The following CCSER1 variants were observed in gnomAD, a reference collection of about 807,000 sequenced individuals.
The protein encoded by CCSER1 is serine-rich coiled-coil domain-containing protein 1.
In CCSER1, 41 loss-of-function variants were observed where a neutral mutation model predicts 82.0. The ratio of observed to expected loss-of-function variants is 0.50; its 90% confidence interval spans 0.39 to 0.65. The LOEUF (loss-of-function observed/expected upper bound fraction) is 0.65. Among genes scored for constraint, CCSER1 ranks in the 30% least tolerant of loss-of-function variants. The pLI, the probability that CCSER1 is intolerant of heterozygous loss-of-function variation, is 0.00. For synonymous variants in CCSER1, 414 were observed against 383.9 expected, an observed-to-expected ratio of 1.08 and a Z score of -0.92; for missense variants, 1,119 against 1,064.2, an observed-to-expected ratio of 1.05 and a Z score of -0.72.
chr4:90,817,794 A>G (rs1330389860), intron 8 of CCSER1, among the ~76,000 whole-genome samples: 2 of 152,320 alleles, frequency 1.3e-5, no homozygotes, highest in Non-Finnish European at 2.9e-5. Context: ...AGAAATGCCA[A>G]TCATGTAGGC....
intron 10 of CCSER1, among the ~76,000 whole-genome samples, chr4:91,245,822 G>T (rs996418460): frequency 6.6e-6 from 1 of 152,042 alleles, no homozygotes; most frequent in Non-Finnish European, 1.5e-5. Context: ...TCAGCCTCCT[G>T]AGTAGCTGGG....
At chr4:90,475,196 T>C (rs1764894319) in intron 5 of CCSER1, among the ~76,000 whole-genome samples, 3 of 152,238 alleles carry the variant, frequency 2.0e-5, no homozygotes, top group Non-Finnish European at 4.4e-5. Flanking sequence ...ACAATTTTCC[T>C]TCATTTACCC....
At chr4:90,239,802 T>C (rs1746504588) in intron 1 of CCSER1, among the ~76,000 whole-genome samples, 1 of 152,178 alleles carries the variant, frequency 6.6e-6, no homozygotes, top group East Asian at 1.9e-4. Context: ...TTGTTCTTAG[T>C]TGTAGCTTGT....
chr4:90,454,707 G>T (rs888924152), intron 4 of CCSER1, among the ~76,000 whole-genome samples: 4 of 152,004 alleles, frequency 2.6e-5, no homozygotes, highest in Non-Finnish European at 4.4e-5. Flanking sequence ...TTTCTGGGTG[G>T]CCTGCTTTTC....
chr4:90,500,957 ATTGT>A (rs1020413445), intron 5 of CCSER1, among the ~76,000 whole-genome samples: 8 of 152,016 alleles, frequency 5.3e-5, no homozygotes, highest in African/African-American at 1.7e-4. Context: ...AAAAAATAAG[ATTGT>A]TTCTGAAGGA....
intron 10 of CCSER1, among the ~76,000 whole-genome samples, chr4:91,584,873 A>G (rs1763910605): frequency 6.6e-6 from 1 of 151,490 alleles, no homozygotes; most frequent in South Asian, 2.1e-4. Context: ...AACTTTAATT[A>G]TAACCACTGT....
intron 10 of CCSER1, among the ~76,000 whole-genome samples, chr4:91,436,426 T>G (rs550711854): frequency 6.6e-6 from 1 of 152,320 alleles, no homozygotes; most frequent in South Asian, 2.1e-4. Context: ...AGTAAATTTT[T>G]CTCCAAAAAT....
rs184130089 is a variant in CCSER1 at position 91,230,227 on chromosome 4, A to C, written c.2217+144233A>C. 4.8e-3 allele frequency among the ~76,000 whole-genome samples: 729 copies of C among 152,288 alleles called. 4 individuals are homozygous for C. Among genetic ancestry groups the C allele is most frequent in the African/African-American group, 0.016 (680 of 41,572 alleles). On this transcript the variant is annotated intron_variant, in intron 10 of 10. Transcript: ENST00000509176. Reference sequence around the variant, plus strand: ...ACAAAAGTTGAATCCATTTAACTGTAGAGTAAGGATTACAACAATTATGTA... The same window carrying C: ...ACAAAAGTTGAATCCATTTAACTGTCGAGTAAGGATTACAACAATTATGTA...
At chr4:90,294,826 C>A (rs777077606) in intron 1 of CCSER1, among the ~76,000 whole-genome samples, 37 of 151,844 alleles carry the variant, frequency 2.4e-4, no homozygotes, top group African/African-American at 2.4e-5. Flanking sequence ...ACTGTTAATG[C>A]TTTGAAGTAC....
At chr4:91,362,815 T>G (rs1749340373) in intron 10 of CCSER1, among the ~76,000 whole-genome samples, 1 of 151,804 alleles carries the variant, frequency 6.6e-6, no homozygotes, top group Admixed American at 6.6e-5. Context: ...TAAAAGCTCA[T>G]CCTGTTTCTC....
chr4:90,479,217 G>A (rs1385103117), intron 5 of CCSER1, among the ~76,000 whole-genome samples: 1 of 151,334 alleles, frequency 6.6e-6, no homozygotes, highest in African/African-American at 2.4e-5. Flanking sequence ...ATAATATAAA[G>A]GAAGAATATA....
chr4:91,167,185 CT>C (rs55920118), intron 10 of CCSER1, among the ~76,000 whole-genome samples: 7,095 of 121,304 alleles, frequency 0.058, 217 homozygotes, highest in African/African-American at 0.13. Flanking sequence ...AATTGCAATA[CT>C]TTTTTTTTTT....
At chr4:90,969,346 A>C (rs1734868098) in intron 9 of CCSER1, among the ~76,000 whole-genome samples, 1 of 152,010 alleles carries the variant, frequency 6.6e-6, no homozygotes, top group South Asian at 2.1e-4. Context: ...ATATACCAAG[A>C]CACACGATAA....
At chr4:90,157,329 G>A (rs1309386634) in intron 1 of CCSER1, among the ~76,000 whole-genome samples, 8 of 152,138 alleles carry the variant, frequency 5.3e-5, no homozygotes, top group East Asian at 1.9e-4. Context: ...TTTCAACTTT[G>A]GTGAATCTGA....
intron 3 of CCSER1, among the ~76,000 whole-genome samples, chr4:90,385,675 A>G (rs1231367620): frequency 6.6e-6 from 1 of 151,582 alleles, no homozygotes. Flanking sequence ...GTTAGCCAGG[A>G]TGGTCTTGAT....
intron 10 of CCSER1, among the ~76,000 whole-genome samples, chr4:91,436,138 T>A (rs1310499215): frequency 6.6e-6 from 1 of 152,242 alleles, no homozygotes; most frequent in Non-Finnish European, 1.5e-5. Flanking sequence ...TTACTTTCGA[T>A]GTCAAGAACC....
intron 10 of CCSER1, among the ~76,000 whole-genome samples, chr4:91,116,668 T>C (rs1052867211): frequency 6.6e-6 from 1 of 152,206 alleles, no homozygotes; most frequent in Non-Finnish European, 1.5e-5. Flanking sequence ...GTGGTGGTGC[T>C]ACTGCTGTTT....
At chr4:90,286,941 T>C (rs1730013022) in intron 1 of CCSER1, among the ~76,000 whole-genome samples, 1 of 151,972 alleles carries the variant, frequency 6.6e-6, no homozygotes, top group African/African-American at 2.4e-5. Flanking sequence ...CATTGCAGAA[T>C]GGAGAGAGAC....
At chr4:90,373,578 A>G (rs1034229317) in intron 3 of CCSER1, among the ~76,000 whole-genome samples, 1 of 152,180 alleles carries the variant, frequency 6.6e-6, no homozygotes, top group Non-Finnish European at 1.5e-5. Context: ...TAGGTCATTT[A>G]TTTAGTGATC....
Sources: gnomAD v4.1 joint callset for allele counts (sites outside exome capture counted in the v4.1 genomes callset) on GRCh38, gnomAD v4.1.1 for gene constraint, MANE v1.5 for transcripts, NCBI Gene and HGNC (gene_info 2026-07-23, HGNC 2026-07-21) for gene names.